The following NFIB variants were observed in gnomAD, a reference collection of about 807,000 sequenced individuals.
The protein encoded by NFIB is nuclear factor I B, also known as nuclear factor 1 B-type.
NFIB carries 11 observed loss-of-function variants against 61.5 expected under a neutral mutation model. That is an observed-to-expected ratio of 0.18 (90% CI 0.11 to 0.30). The LOEUF (loss-of-function observed/expected upper bound fraction) is 0.30. NFIB is among the 10% of genes least tolerant of loss of function. The pLI is 1.00. For synonymous variants in NFIB, 260 were observed against 216.5 expected, an observed-to-expected ratio of 1.20 and a Z score of -1.76; for missense variants, 471 against 608.9, an observed-to-expected ratio of 0.77 and a Z score of 2.38.
intron 1 of NFIB, among the ~76,000 whole-genome samples, chr9:14,373,844 T>C (rs2061387215): frequency 6.6e-6 from 1 of 152,180 alleles, no homozygotes; most frequent in Non-Finnish European, 1.5e-5. Context: ...TATGTTTCAA[T>C]CACCAGGGGC....
At chr9:14,300,089 T>C in intron 2 of NFIB, 1 of 397,984 alleles carries the variant, frequency 2.5e-6, no homozygotes, top group East Asian at 3.6e-5. Context: ...ATTTATTCTC[T>C]ATGCCAAATT....
chr9:14,240,517 T>G (rs1216494597), intron 2 of NFIB, among the ~76,000 whole-genome samples: 1 of 152,204 alleles, frequency 6.6e-6, no homozygotes, highest in Non-Finnish European at 1.5e-5. Flanking sequence ...AACACAAGAC[T>G]GCTTCAAACT....
chr9:14,199,904 TG>T (rs771518040), intron 2 of NFIB, among the ~76,000 whole-genome samples: 1 of 152,222 alleles, frequency 6.6e-6, no homozygotes, highest in Non-Finnish European at 1.5e-5. Flanking sequence ...AAGGTATTTC[TG>T]TATGTACTAG....
intron 1 of NFIB, among the ~76,000 whole-genome samples, chr9:14,381,655 G>C (rs2061490771): frequency 2.0e-5 from 3 of 152,232 alleles, no homozygotes. Flanking sequence ...TGTGGAAGAA[G>C]AAATTTTTTT....
intron 2 of NFIB, among the ~76,000 whole-genome samples, chr9:14,198,169 A>G (rs1263376813): frequency 6.6e-6 from 1 of 152,170 alleles, no homozygotes; most frequent in Non-Finnish European, 1.5e-5. Flanking sequence ...TTTATGAAGT[A>G]TTAGAGAAAT....
the NFIB span, among the ~76,000 whole-genome samples, chr9:14,458,812 G>C: frequency 6.6e-6 from 1 of 151,850 alleles, no homozygotes; most frequent in African/African-American, 2.4e-5. Context: ...ACTTACAAGG[G>C]ATGTGAAGGA....
intron 1 of NFIB, among the ~76,000 whole-genome samples, chr9:14,392,821 T>C (rs942883525): frequency 1.3e-5 from 2 of 152,226 alleles, no homozygotes; most frequent in Admixed American, 6.5e-5. Flanking sequence ...GTTTGGCACA[T>C]AGTACATGCT....
the NFIB span, among the ~76,000 whole-genome samples, chr9:14,427,349 C>G: frequency 6.6e-6 from 1 of 152,060 alleles, no homozygotes; most frequent in Admixed American, 6.6e-5. Flanking sequence ...AGTGCTTTGC[C>G]TATATTAGCT....
At chr9:14,264,980 G>A (rs1007708540) in intron 2 of NFIB, among the ~76,000 whole-genome samples, 1 of 152,122 alleles carries the variant, frequency 6.6e-6, no homozygotes, top group African/African-American at 2.4e-5. Flanking sequence ...AGCACATTCA[G>A]TTATTATCAA....
the NFIB span, among the ~76,000 whole-genome samples, chr9:14,492,092 G>A: frequency 6.6e-6 from 1 of 152,254 alleles, no homozygotes; most frequent in Non-Finnish European, 1.5e-5. Context: ...AGCCGAGCGC[G>A]GTGGCTCAAG....
At chr9:14,212,604 G>T (rs911405963) in intron 2 of NFIB, among the ~76,000 whole-genome samples, 16 of 150,984 alleles carry the variant, frequency 1.1e-4, no homozygotes, top group African/African-American at 3.7e-4. Context: ...GAATAATTTA[G>T]GTAATCATCT....
chr9:14,168,564 C>A lies in NFIB; in HGVS notation c.616+11163G>T, dbSNP rs547200986. 1.4e-4 allele frequency among the ~76,000 whole-genome samples: 22 copies of A among 152,256 alleles called. 1 individual carries two copies. The South Asian group carries it at 2.1e-3, about 14-fold the overall frequency. On this transcript the variant is annotated intron_variant, in intron 3 of 10. Transcript: ENST00000380953. Reference sequence around the variant, plus strand: ...AGGGTCATATTGTATGTCATGCTAACGAGCTAGGCTTAGGCTAGAGTGGAG... The same window carrying A: ...AGGGTCATATTGTATGTCATGCTAAAGAGCTAGGCTTAGGCTAGAGTGGAG...
At chr9:14,499,206 C>T in the NFIB span, among the ~76,000 whole-genome samples, 1 of 152,146 alleles carries the variant, frequency 6.6e-6, no homozygotes, top group East Asian at 1.9e-4. Flanking sequence ...ATGACAAATA[C>T]TCCTAGGAGT....
At chr9:14,267,138 G>A (rs2132290276) in intron 2 of NFIB, among the ~76,000 whole-genome samples, 2 of 152,286 alleles carry the variant, frequency 1.3e-5, no homozygotes, top group South Asian at 4.2e-4. Flanking sequence ...TTTCCTGGAA[G>A]GGATTTTTCA....
Position 14,120,640 on chromosome 9 carries a change from A to G in NFIB, c.1061-16T>C. On this transcript the variant is annotated splice_polypyrimidine_tract_variant and intron_variant, in intron 7 of 10. Transcript: ENST00000380953. The surrounding 1 kb of genome is among the most constrained non-coding windows in gnomAD (Gnocchi z 4.4). ...GTTGAGATGACTGCAGAAGACAGAA[A>G]AGGAAAGATTGACTCATCAGCTGGT... 1 of 1,580,366 alleles carries G rather than the reference A, an allele frequency of 6.3e-7. No homozygotes were observed. The highest frequency in any genetic ancestry group is 1.2e-5 in the South Asian group (1 of 84,810).
chr9:14,187,015 G>GTGTGTGTGTA (rs2047416489), intron 2 of NFIB, among the ~76,000 whole-genome samples: 9 of 53,798 alleles, frequency 1.7e-4, no homozygotes, highest in Middle Eastern at 8.3e-3. Flanking sequence ...CTGTGTGTGT[G>GTGTGTGTGTA]TGTGTGTGTG....
At chr9:14,340,803 A>G (rs2060940367) in intron 1 of NFIB, among the ~76,000 whole-genome samples, 1 of 152,152 alleles carries the variant, frequency 6.6e-6, no homozygotes, top group Admixed American at 6.5e-5. Context: ...AGTTGTGCCA[A>G]CTTAAGAGTA....
chr9:14,189,879 T>A (rs2047758669), intron 2 of NFIB, among the ~76,000 whole-genome samples: 1 of 151,808 alleles, frequency 6.6e-6, no homozygotes, highest in Non-Finnish European at 1.5e-5. Context: ...ACAAACAAAC[T>A]GCCAGTAATA....
chr9:14,458,510 T>C, the NFIB span, among the ~76,000 whole-genome samples: 5 of 152,328 alleles, frequency 3.3e-5, no homozygotes, highest in East Asian at 5.8e-4. Flanking sequence ...TTGGAAGTTC[T>C]GGCCAGGGCA....
Sources: gnomAD v4.1 joint callset for allele counts (sites outside exome capture counted in the v4.1 genomes callset) on GRCh38, gnomAD v4.1.1 for gene constraint, Gnocchi (gnomAD v3.1) non-coding constraint, MANE v1.5 for transcripts, NCBI Gene and HGNC (gene_info 2026-07-23, HGNC 2026-07-21) for gene names.